FKBP5: variants seen among roughly 807,000 people sequenced by gnomAD.
FKBP5 encodes the protein peptidyl-prolyl cis-trans isomerase FKBP5.
In FKBP5, 23 loss-of-function variants were observed where a neutral mutation model predicts 50.5. The observed-to-expected ratio is 0.46, with a 90% CI of 0.33 to 0.65. The LOEUF (loss-of-function observed/expected upper bound fraction) is 0.65. Among genes scored for constraint, FKBP5 ranks in the 30% least tolerant of loss-of-function variants. The pLI is 0.02. For missense variants in FKBP5, 411 were observed against 553.1 expected, an observed-to-expected ratio of 0.74 and a Z score of 2.58; for synonymous variants, 176 against 190.6, an observed-to-expected ratio of 0.92 and a Z score of 0.63.
intron 1 of FKBP5, among the ~76,000 whole-genome samples, chr6:35,677,493 G>A (rs774337061): frequency 6.6e-6 from 1 of 152,206 alleles, no homozygotes; most frequent in Admixed American, 6.5e-5. Context: ...GAAAACACTA[G>A]AAAGTCCTGA....
intron 1 of FKBP5, among the ~76,000 whole-genome samples, chr6:35,644,576 C>T (rs565713188): frequency 6.6e-6 from 1 of 152,286 alleles, no homozygotes; most frequent in East Asian, 1.9e-4. Flanking sequence ...TTCTAGTACG[C>T]TTTATACCAA....
At chr6:35,626,660 C>G (rs1041076654) in intron 3 of FKBP5, among the ~76,000 whole-genome samples, 29 of 152,164 alleles carry the variant, frequency 1.9e-4, no homozygotes, top group African/African-American at 6.8e-4. Context: ...TAATCTTTGG[C>G]AACTTCTATT....
chr6:35,599,859 CA>C (rs1262058616), intron 5 of FKBP5, among the ~76,000 whole-genome samples: 1 of 152,112 alleles, frequency 6.6e-6, no homozygotes, highest in Non-Finnish European at 1.5e-5. Flanking sequence ...AAAATAAATT[CA>C]AATTTAAACT....
At chr6:35,657,721 C>T (rs1258160807) in intron 1 of FKBP5, among the ~76,000 whole-genome samples, 2 of 152,034 alleles carry the variant, frequency 1.3e-5, no homozygotes, top group Non-Finnish European at 2.9e-5. Flanking sequence ...AATCAAGATC[C>T]TAAGAATTTC....
intron 1 of FKBP5, among the ~76,000 whole-genome samples, chr6:35,662,144 T>C (rs192669153): frequency 1.1e-3 from 162 of 152,204 alleles, no homozygotes; most frequent in African/African-American, 3.7e-3. Context: ...GTGATCTTCC[T>C]GCCTCAGTCT....
At chr6:35,672,466 C>T (rs1446683218) in intron 1 of FKBP5, among the ~76,000 whole-genome samples, 11 of 148,252 alleles carry the variant, frequency 7.4e-5, no homozygotes, top group African/African-American at 2.7e-4. Context: ...AGTCCAGAAG[C>T]TTGCTTTTTT....
chr6:35,665,291 C>CT lies in FKBP5; in HGVS notation c.-19-22449dup, dbSNP rs963503739. Among the ~76,000 whole-genome samples the CT allele has an allele frequency of 2.1e-5, 3 of 143,186 alleles. No individual in the cohort carries two copies. In the Admixed American group the frequency reaches 2.2e-4, roughly 11 times the overall value. The allele number at this position is 143,186 out of a possible 152,430, so 93.9% of individuals were successfully genotyped here. A position where few individuals can be genotyped will look rare whatever the true frequency, so the allele number is the denominator to read the frequency against. ...TTTAGAATGTCACTAGTAAATGCTC[C>CT]TCTTTTTTTTTTTTTTTAGAGGAGT... is the stretch of plus-strand genomic sequence containing the variant. On this transcript the variant is annotated intron_variant, in intron 1 of 10. Coordinates refer to ENST00000357266, the MANE Select transcript of FKBP5 (RefSeq NM_004117.4).
At chr6:35,698,094 G>A (rs1766114077) in intron 2 of FKBP5, among the ~76,000 whole-genome samples, 1 of 151,908 alleles carries the variant, frequency 6.6e-6, no homozygotes, top group Non-Finnish European at 1.5e-5. Context: ...TGTAATCCCA[G>A]CGCTTTGGGA....
At chr6:35,633,112 T>C (rs1232832680) in intron 3 of FKBP5, among the ~76,000 whole-genome samples, 1 of 152,210 alleles carries the variant, frequency 6.6e-6, no homozygotes, top group Non-Finnish European at 1.5e-5. Flanking sequence ...GACTTTCCAT[T>C]GAAATATTTC....
chr6:35,645,770 T>C (rs1017785643), intron 1 of FKBP5, among the ~76,000 whole-genome samples: 41 of 152,188 alleles, frequency 2.7e-4, no homozygotes, highest in Admixed American at 1.8e-3. Flanking sequence ...CTTTTGAATG[T>C]TCATCATTTG....
chr6:35,653,340 A>C (rs911163186), intron 1 of FKBP5, among the ~76,000 whole-genome samples: 6 of 152,182 alleles, frequency 3.9e-5, no homozygotes, highest in African/African-American at 1.4e-4. Context: ...TGGGTAACAA[A>C]GACCCTGTCT....
At chr6:35,706,959 G>C (rs958536505) in intron 2 of FKBP5, among the ~76,000 whole-genome samples, 2 of 152,136 alleles carry the variant, frequency 1.3e-5, no homozygotes, top group African/African-American at 2.4e-5. Flanking sequence ...GCATAGAACA[G>C]AGTATAATGG....
At chr6:35,696,229 T>A in intron 2 of FKBP5, among the ~76,000 whole-genome samples, 1 of 148,550 alleles carries the variant, frequency 6.7e-6, no homozygotes, top group Non-Finnish European at 1.5e-5. Context: ...ATCTAAATAA[T>A]TGGAAAAACT....
At chr6:35,686,188 T>C (rs1765822251) in intron 1 of FKBP5, among the ~76,000 whole-genome samples, 2 of 152,264 alleles carry the variant, frequency 1.3e-5, no homozygotes, top group South Asian at 4.1e-4. Flanking sequence ...TGTGTGGATT[T>C]GAGAATTCAA....
chr6:35,617,757 G>C (rs1763705636), intron 5 of FKBP5, among the ~76,000 whole-genome samples: 1 of 152,180 alleles, frequency 6.6e-6, no homozygotes, highest in Non-Finnish European at 1.5e-5. Flanking sequence ...AGCACTCAAA[G>C]TATACTGGGA....
rs151090596 is a variant in FKBP5, at chr6:35,590,720, T to C, written c.756+410A>G. On this transcript the variant is annotated intron_variant, in intron 7 of 10. Transcript: ENST00000357266. ...ACAGTGCAGGCCTCTTCGTGACTCC[T>C]GTGAAGGGTACAATCCGTTCAGCTC... Among the ~76,000 whole-genome samples, 5 of 152,132 alleles carry C rather than the reference T, an allele frequency of 3.3e-5. No homozygotes were observed. The East Asian group carries it at 9.7e-4, about 29-fold the overall frequency.
intron 1 of FKBP5, among the ~76,000 whole-genome samples, chr6:35,649,887 T>G (rs1764746475): frequency 1.3e-5 from 2 of 152,224 alleles, no homozygotes; most frequent in Non-Finnish European, 2.9e-5. Flanking sequence ...TCAAAGTTTT[T>G]CCTTAAAAGG....
At chr6:35,688,956 C>T (rs1425814823), upstream of FKBP5, 1 of 151,596 alleles carries the variant, frequency 6.6e-6, no homozygotes, top group African/African-American at 2.4e-5. Flanking sequence ...GGGGCAGCGC[C>T]CGGCGCCGTC....
intron 5 of FKBP5, among the ~76,000 whole-genome samples, chr6:35,605,823 A>C (rs1763296818): frequency 6.6e-6 from 1 of 152,210 alleles, no homozygotes; most frequent in African/African-American, 2.4e-5. Context: ...AGTATGCGGC[A>C]AGTCCTAGCC....
Sources: allele counts gnomAD v4.1 joint callset (sites outside exome capture counted in the v4.1 genomes callset), GRCh38; gene constraint gnomAD v4.1.1; transcripts MANE v1.5; gene names NCBI Gene and HGNC (gene_info 2026-07-23, HGNC 2026-07-21).